Variants in WNK3 observed in about 807,000 individuals in gnomAD.
The protein encoded by WNK3 is WNK lysine deficient protein kinase 3, also known as serine/threonine-protein kinase WNK3.
In WNK3, 18 loss-of-function variants were observed where a neutral mutation model predicts 116.7. That is an observed-to-expected ratio of 0.15 (90% CI 0.11 to 0.23). WNK3 has a LOEUF of 0.23. WNK3 is among the 10% of genes least tolerant of loss of function. The pLI is 1.00. For synonymous variants in WNK3, 404 were observed against 469.4 expected, an observed-to-expected ratio of 0.86 and a Z score of 1.80; for missense variants, 993 against 1,323.8, an observed-to-expected ratio of 0.75 and a Z score of 3.88.
intron 9 of WNK3, 40 bp from the exon 10 acceptor site, chrX:54,293,077 T>C (rs1557165463): frequency 6.7e-6 from 8 of 1,191,986 alleles, no homozygotes; most frequent in Non-Finnish European, 9.0e-6. Context: ...AGATAAACTT[T>C]CCCATTTACA....
intron 8 of WNK3, among the ~76,000 whole-genome samples, chrX:54,294,012 A>C (rs1217347731): frequency 2.7e-5 from 3 of 110,821 alleles, no homozygotes; most frequent in Admixed American, 9.6e-5. Context: ...CCCCATCTCT[A>C]CCAAAAGAAA....
chrX:54,243,484 A>T (rs990348565), intron 17 of WNK3, among the ~76,000 whole-genome samples: 3 of 110,366 alleles, frequency 2.7e-5, no homozygotes, highest in African/African-American at 9.9e-5. Flanking sequence ...CAACCCAATT[A>T]AAAAATAGGC....
intron 8 of WNK3, among the ~76,000 whole-genome samples, chrX:54,294,086 T>C (rs1402457931): frequency 7.2e-5 from 8 of 110,508 alleles, no homozygotes; most frequent in Non-Finnish European, 1.3e-4. Flanking sequence ...GGGGCTGAGG[T>C]GGGAGGATCA....
chrX:54,212,788 T>C (rs2067630440), intron 22 of WNK3, among the ~76,000 whole-genome samples: 2 of 111,653 alleles, frequency 1.8e-5, no homozygotes, highest in South Asian at 7.6e-4. Context: ...GAATGATCCA[T>C]GTGGTAATGG....
chrX:54,252,521 T>A (rs2068144539), intron 13 of WNK3, among the ~76,000 whole-genome samples: 2 of 110,196 alleles, frequency 1.8e-5, no homozygotes, highest in Admixed American at 1.9e-4. Flanking sequence ...AATACAAAAA[T>A]TAGCTGGGTG....
intron 22 of WNK3, among the ~76,000 whole-genome samples, chrX:54,211,417 T>C (rs1188262194): frequency 2.1e-5 from 2 of 96,926 alleles, no homozygotes; most frequent in Non-Finnish European, 4.1e-5. Flanking sequence ...GCTCCAGCCT[T>C]GGGAACAGAG....
chrX:54,233,551 G>A (rs782224879), intron 20 of WNK3, among the ~76,000 whole-genome samples: 35 of 109,867 alleles, frequency 3.2e-4, no homozygotes, highest in Admixed American at 7.9e-4. Context: ...AGGGGAAGTG[G>A]GAAATGCCTT....
At chrX:54,344,567 T>C (rs1490527558) in intron 1 of WNK3, among the ~76,000 whole-genome samples, 1 of 113,284 alleles carries the variant, frequency 8.8e-6, no homozygotes, top group Non-Finnish European at 1.9e-5. Context: ...ATCACAAACA[T>C]ATGAATAACT....
At chrX:54,217,499 G>A (rs782570655) in intron 22 of WNK3, among the ~76,000 whole-genome samples, 1 of 108,692 alleles carries the variant, frequency 9.2e-6, no homozygotes, top group Non-Finnish European at 1.9e-5. Flanking sequence ...GCGTGTGCCT[G>A]TGGTCCCAGC....
intron 5 of WNK3, among the ~76,000 whole-genome samples, chrX:54,304,642 T>C (rs1557168246): frequency 9.0e-6 from 1 of 111,024 alleles, no homozygotes; most frequent in East Asian, 2.8e-4. Flanking sequence ...ATTTTCAAAA[T>C]TGTCTAAATG....
chrX:54,193,143 G>A (rs1292259036), exon 24 of WNK3: 6 of 111,697 alleles, frequency 5.4e-5, no homozygotes, highest in African/African-American at 2.0e-4. Flanking sequence ...TGGAGAAGAG[G>A]GTGAAATTCT....
chrX:54,352,885 T>C (rs1330281155), intron 1 of WNK3, among the ~76,000 whole-genome samples: 2 of 112,050 alleles, frequency 1.8e-5, no homozygotes, highest in African/African-American at 3.2e-5. Flanking sequence ...AAAGGAATAA[T>C]ACTCAGCCAT....
At chrX:54,270,471 C>A (rs2068369468) in intron 10 of WNK3, among the ~76,000 whole-genome samples, 1 of 99,913 alleles carries the variant, frequency 1.0e-5, no homozygotes, top group Non-Finnish European at 2.0e-5. Flanking sequence ...ATGGCGTGGT[C>A]TTGGTTCAAT....
chrX:54,325,791 T>A (rs1557173253), intron 2 of WNK3, among the ~76,000 whole-genome samples: 1 of 109,014 alleles, frequency 9.2e-6, no homozygotes, highest in Non-Finnish European at 1.9e-5. Flanking sequence ...CAAAAACTGG[T>A]TGTATTTCCA....
exon 24 of WNK3, chrX:54,198,413 C>G (rs1255090791): frequency 8.3e-7 from 1 of 1,211,117 alleles, no homozygotes. Context: ...AATGGTCCCC[C>G]AGATTGGGCG....
chrX:54,325,474 T>C (rs915232792), intron 2 of WNK3, among the ~76,000 whole-genome samples: 14 of 106,593 alleles, frequency 1.3e-4, no homozygotes, highest in Non-Finnish European at 1.9e-5. Flanking sequence ...AAGTCAGGAG[T>C]TCAAGACTAG....
At chrX:54,196,339 C>T (rs1472173454) in exon 24 of WNK3, 1 of 109,945 alleles carries the variant, frequency 9.1e-6, no homozygotes, top group Non-Finnish European at 1.9e-5. Flanking sequence ...GCCCTAGATG[C>T]CTCAAATTAT....
intron 2 of WNK3, among the ~76,000 whole-genome samples, chrX:54,323,608 A>T (rs1169791609): frequency 2.7e-5 from 3 of 111,892 alleles, no homozygotes; most frequent in African/African-American, 9.7e-5. Context: ...TATCAAAATA[A>T]AAAGTTTTTA....
intron 23 of WNK3, among the ~76,000 whole-genome samples, chrX:54,201,317 C>A (rs1436133772): frequency 3.6e-5 from 4 of 111,883 alleles, no homozygotes; most frequent in African/African-American, 9.7e-5. Context: ...TCTTCCTACT[C>A]CAGAATGCAT....
Sources: allele counts gnomAD v4.1 joint callset (sites outside exome capture counted in the v4.1 genomes callset), GRCh38; gene constraint gnomAD v4.1.1; transcripts MANE v1.5; gene names NCBI Gene and HGNC (gene_info 2026-07-23, HGNC 2026-07-21).